DCHS2: variants seen among roughly 807,000 people sequenced by gnomAD.
DCHS2 encodes the protein protocadherin-23.
Under a neutral mutation model 182.4 loss-of-function variants are expected in DCHS2, and 142 were observed. The ratio of observed to expected loss-of-function variants is 0.78; its 90% CI spans 0.68 to 0.89. The LOEUF is 0.89. DCHS2 is among the 40% of genes least tolerant of loss of function. The pLI, the probability that DCHS2 is intolerant of heterozygous loss-of-function variation, is 0.00. For synonymous variants in DCHS2, 1,740 were observed against 1,663.3 expected, an observed-to-expected ratio of 1.05 and a Z score of -1.12; for missense variants, 4,319 against 4,198.6, an observed-to-expected ratio of 1.03 and a Z score of -0.79.
Position 154,304,738 on chromosome 4 carries a change from C to G in DCHS2, c.5536G>C (p.Val1846Leu). The change falls in exon 12 of 20, where the codon GTT becomes CTT. Residue 1846 changes from valine to leucine, a missense_variant. Coordinates refer to ENST00000357232, the MANE Select transcript of DCHS2 (RefSeq NM_001358235.2). ...IEVLENQEPE[V>L]VYTVLASDMD... ...TCAGAGGCTAAAACCGTATAGACAA[C>G]CTCTGGTTCCTGGTTTTCCAGAACC... 1 of 1,614,022 alleles carries G rather than the reference C, an allele frequency of 6.2e-7. No homozygotes were observed. Among genetic ancestry groups the G allele is most frequent in the Non-Finnish European group, 8.5e-7 (1 of 1,179,960 alleles).
chr4:154,236,297 G>C lies in DCHS2; in HGVS notation c.8355C>G (p.Ser2785=). The change falls in exon 20 of 20, where the codon TCC becomes TCG. Residue 2785 remains serine (S), a synonymous_variant. Transcript: ENST00000357232. The part of the protein sequence containing the change: ...SCIVPENLPI[S]STICSINALD... ...GAGCATTTATAGAGCATATGGTAGA[G>C]GAAATAGGCAGATTTTCTGGAACAA... 6.2e-7 allele frequency: 1 copy of C among 1,614,060 alleles called. No homozygotes were observed. The highest frequency in any genetic ancestry group is 1.3e-5 in the African/African-American group (1 of 75,044).
intron 3 of DCHS2, among the ~76,000 whole-genome samples, chr4:154,349,779 G>A (rs974585489): frequency 1.3e-5 from 2 of 152,142 alleles, no homozygotes; most frequent in Admixed American, 1.3e-4. Flanking sequence ...TAAACGTGTT[G>A]CTACGATTAA....
chr4:154,390,951 A>G (rs974069810), intron 1 of DCHS2, among the ~76,000 whole-genome samples: 2 of 152,246 alleles, frequency 1.3e-5, no homozygotes, highest in East Asian at 1.9e-4. Context: ...TACAAATACT[A>G]TATGTCTATC....
rs138867227 is a variant in DCHS2, at chr4:154,448,120, C to T, written c.2052+41184G>A. On this transcript the variant is annotated intron_variant, in intron 1 of 19. Coordinates refer to ENST00000357232, the MANE Select transcript of DCHS2 (RefSeq NM_001358235.2). ...TGAGGCTGCTTTCCCTCCCTGCTTC[C>T]GCATTCCCTCTTCCATGGCTCTTCT... Among the ~76,000 whole-genome samples, 49 of 152,242 alleles carry T rather than the reference C, an allele frequency of 3.2e-4. 1 individual carries two copies. Among genetic ancestry groups the T allele is most frequent in the Admixed American group, 2.6e-3 (40 of 15,290 alleles).
rs182987701 is a variant in DCHS2 at position 154,413,083 on chromosome 4, A to G, written c.2053-35639T>C. Among the ~76,000 whole-genome samples the G allele has an allele frequency of 2.6e-4, 40 of 152,320 alleles. 1 individual carries two copies. The East Asian group carries it at 4.2e-3, about 16-fold the overall frequency. Reference sequence around the variant, plus strand: ...GAAGAGAGCAGGCTTATTTTTAATTACAAGTCTGATTCTGAAAGGATTATA... The same window carrying G: ...GAAGAGAGCAGGCTTATTTTTAATTGCAAGTCTGATTCTGAAAGGATTATA... On this transcript the variant is annotated intron_variant, in intron 1 of 19. Transcript: ENST00000357232.
chr4:154,423,001 T>C (rs185080304), intron 1 of DCHS2, among the ~76,000 whole-genome samples: 10 of 152,328 alleles, frequency 6.6e-5, no homozygotes, highest in Non-Finnish European at 1.5e-4. Context: ...AACAGTGTTA[T>C]AACTGTTAAA....
At chr4:154,420,842 C>T (rs1733082337) in intron 1 of DCHS2, among the ~76,000 whole-genome samples, 1 of 152,152 alleles carries the variant, frequency 6.6e-6, no homozygotes, top group Non-Finnish European at 1.5e-5. Context: ...AACCATCACA[C>T]CCTCATAGTA....
chr4:154,372,659 T>C (rs1730696595), intron 2 of DCHS2, among the ~76,000 whole-genome samples: 1 of 152,198 alleles, frequency 6.6e-6, no homozygotes, highest in Admixed American at 6.5e-5. Context: ...GATATAAGCA[T>C]GGAATAATTA....
chr4:154,430,506 C>T (rs762314727), intron 1 of DCHS2, among the ~76,000 whole-genome samples: 2 of 152,134 alleles, frequency 1.3e-5, no homozygotes, highest in South Asian at 2.1e-4. Flanking sequence ...CAGGATCCTC[C>T]CTGGGGAACG....
At position 154,235,389 on chromosome 4, in the gene DCHS2, T is replaced by A; in HGVS notation, c.9263A>T (p.His3088Leu). 1 of 1,614,038 alleles carries A rather than the reference T, an allele frequency of 6.2e-7. No homozygotes were observed. The highest frequency in any genetic ancestry group is 8.5e-7 in the Non-Finnish European group (1 of 1,179,968). Residue 3088 changes from histidine (H) to leucine (L), a missense_variant, in exon 20 of 20, where the codon CAC (histidine) becomes CTC (leucine). His to Leu is a moderately conservative substitution (Grantham distance 99). Transcript: ENST00000357232. ...MEKDIVNLYRHSNSSGHCSVE... is the reference protein window; with the variant it reads ...MEKDIVNLYRLSNSSGHCSVE... ...AGAACAGTGGCCACTGGAGTTTGAG[T>A]GTCTGTACAGATTGACAATATCCTT...
At position 154,491,083 on chromosome 4, in the gene DCHS2, C is replaced by T. The variant is rs778306936; in HGVS notation, c.273G>A (p.Pro91=). 1.5e-4 allele frequency: 229 copies of T among 1,551,322 alleles called. No homozygotes were observed. Among genetic ancestry groups the T allele is most frequent in the Non-Finnish European group, 1.9e-4 (215 of 1,146,950 alleles). The change falls in exon 1 of 20, where the codon CCG becomes CCA. Residue 91 remains proline (P), a synonymous_variant. Transcript: ENST00000357232. ...CGCTCCCCTCCTGCTGCTGCGCGGC[C>T]GGCAGCCCGGCGCGGATGTCACCTA... The part of the protein sequence containing the change: ...TLVGDIRAGL[P]AAQQQEGSGF...
intron 1 of DCHS2, among the ~76,000 whole-genome samples, chr4:154,451,668 A>G (rs2110977677): frequency 6.6e-6 from 1 of 152,278 alleles, no homozygotes; most frequent in African/African-American, 2.4e-5. Context: ...TTTCAGGAAC[A>G]CCTATGAAGG....
chr4:154,239,505 G>GTTGTT (rs796495997), intron 18 of DCHS2, among the ~76,000 whole-genome samples: 12 of 152,068 alleles, frequency 7.9e-5, no homozygotes, highest in South Asian at 2.1e-4. Flanking sequence ...AAAAAAAGGT[G>GTTGTT]TTGTTTTGTT....
At chr4:154,397,740 C>A (rs575244369) in intron 1 of DCHS2, among the ~76,000 whole-genome samples, 4 of 152,326 alleles carry the variant, frequency 2.6e-5, no homozygotes, top group African/African-American at 7.2e-5. Context: ...AAAAATGGCA[C>A]TTCCTGAGAC....
intron 14 of DCHS2, among the ~76,000 whole-genome samples, chr4:154,264,308 T>G (rs183533904): frequency 2.6e-5 from 4 of 152,102 alleles, no homozygotes; most frequent in African/African-American, 9.7e-5. Flanking sequence ...AGGCTTCAGA[T>G]GCAGGAATTG....
chr4:154,304,675 T>C lies in DCHS2; in HGVS notation c.5599A>G (p.Ile1867Val). The change falls in exon 12 of 20, where the codon ATA becomes GTA. Residue 1867 changes from isoleucine to valine, a missense_variant. Transcript: ENST00000357232. ...AGNNRAVEYH[I>V]IDGNTDECFT... Reference sequence around the variant, plus strand: ...AACAAACAAACAAACTTACCAATTATGTGATATTCAACAGCTCTGTTATTG... The same window carrying C: ...AACAAACAAACAAACTTACCAATTACGTGATATTCAACAGCTCTGTTATTG... The C allele has an allele frequency of 6.3e-7, 1 of 1,595,994 alleles. No individual in the cohort carries two copies. The highest frequency in any genetic ancestry group is 8.6e-7 in the Non-Finnish European group (1 of 1,168,808).
intron 19 of DCHS2, 170 bp from the exon 20 acceptor site, chr4:154,237,329 T>C (rs756613625): frequency 2.2e-6 from 2 of 915,432 alleles, no homozygotes; most frequent in Non-Finnish European, 3.1e-6. Context: ...TGTATTTATA[T>C]GTTTATAACA....
chr4:154,406,806 A>G (rs181231928), intron 1 of DCHS2, among the ~76,000 whole-genome samples: 38 of 152,282 alleles, frequency 2.5e-4, no homozygotes, highest in East Asian at 2.3e-3. Context: ...CAATTTCCCA[A>G]TGGCATCTGA....
At chr4:154,287,206 T>C (rs867042724) in intron 13 of DCHS2, among the ~76,000 whole-genome samples, 10 of 152,090 alleles carry the variant, frequency 6.6e-5, no homozygotes, top group African/African-American at 2.4e-4. Flanking sequence ...AGAAATCCTA[T>C]GGGGAGTATT....
Sources: gnomAD v4.1 joint callset for allele counts (sites outside exome capture counted in the v4.1 genomes callset) on GRCh38, gnomAD v4.1.1 for gene constraint, MANE v1.5 for transcripts, NCBI Gene and HGNC (gene_info 2026-07-23, HGNC 2026-07-21) for gene names.